The following LIPG variants were observed in gnomAD, a reference collection of about 807,000 sequenced individuals.
The protein encoded by LIPG is endothelial lipase.
LIPG carries 34 observed loss-of-function variants against 51.8 expected under a neutral mutation model. That is an observed-to-expected ratio of 0.66 (90% CI 0.50 to 0.87). LIPG has a LOEUF of 0.87. Ranked by LOEUF, LIPG falls within the 40% of genes least tolerant of loss-of-function variation. The pLI is 0.00. For synonymous variants in LIPG, 246 were observed against 246.1 expected (o/e 1.00, Z 0.00); for missense variants, 580 against 652.7 (o/e 0.89, Z 1.21).
chr18:49,590,518 C>G lies in LIPG; in HGVS notation c.1499C>G (p.Pro500Arg). ...TCTTTCAGTCCCACTGTGGAGCTTC[C>G]CTGAGGGTGCCCGGGCAAGTCTTGC... is the stretch of plus-strand genomic sequence containing the variant. The part of the protein sequence containing the change: ...KNETSPTVEL[P>R] The change falls in exon 10 of 10, where the codon CCC becomes CGC. Residue 500 changes from proline (P) to arginine (R), a missense_variant. Pro to Arg is a moderately radical substitution (Grantham distance 103, BLOSUM62 -2). Coordinates refer to ENST00000261292, the MANE Select transcript of LIPG (RefSeq NM_006033.4). The G allele has an allele frequency of 6.2e-7, 1 of 1,601,362 alleles. No homozygotes were observed. The highest frequency in any genetic ancestry group is 1.1e-5 in the South Asian group (1 of 88,876).
intron 9 of LIPG, chr18:49,590,192 TG>T: frequency 2.1e-6 from 1 of 475,596 alleles, no homozygotes. Flanking sequence ...TGTGTGTGTG[TG>T]TGTGTGTGTG....
At chr18:49,569,049 C>T (rs1187464042) in intron 3 of LIPG, among the ~76,000 whole-genome samples, 4 of 152,120 alleles carry the variant, frequency 2.6e-5, no homozygotes, top group South Asian at 4.1e-4. Flanking sequence ...AGGCAGAGGG[C>T]ATTCTGCTGA....
chr18:49,583,030 G>A (rs2084839995), intron 7 of LIPG, among the ~76,000 whole-genome samples: 1 of 152,170 alleles, frequency 6.6e-6, no homozygotes, highest in Non-Finnish European at 1.5e-5. Flanking sequence ...CACACAGGTA[G>A]GGCAAGGCAG....
intron 4 of LIPG, 31 bp from the exon 5 acceptor site, chr18:49,575,338 A>C: frequency 6.3e-7 from 1 of 1,587,228 alleles, no homozygotes; most frequent in Non-Finnish European, 8.6e-7. Flanking sequence ...ACCTGACACC[A>C]CAGCTGTTTT....
chr18:49,584,345 T>C (rs1039089330), intron 8 of LIPG, among the ~76,000 whole-genome samples: 5 of 152,164 alleles, frequency 3.3e-5, no homozygotes, highest in Admixed American at 2.6e-4. Flanking sequence ...TAGCTGGCAG[T>C]TTCCCATTTC....
At chr18:49,575,649 C>A in intron 5 of LIPG, 59 bp downstream of exon 5, 2 of 1,411,958 alleles carry the variant, frequency 1.4e-6, no homozygotes, top group Non-Finnish European at 2.0e-6. Flanking sequence ...CCTTCTAAAT[C>A]AGCCAGAGCC....
chr18:49,586,487 G>T (rs574094123), intron 8 of LIPG, among the ~76,000 whole-genome samples: 1 of 152,336 alleles, frequency 6.6e-6, no homozygotes, highest in Non-Finnish European at 1.5e-5. Context: ...TTGAGAGGCA[G>T]GTGGCCTTTT....
rs767547304 is a variant in LIPG, at chr18:49,565,426, C to A, written c.207C>A (p.Gly69=). The A allele has an allele frequency of 1.9e-6, 3 of 1,614,236 alleles. No homozygotes were observed. The South Asian group carries it at 3.3e-5, about 18-fold the overall frequency. Residue 69 remains glycine, a synonymous_variant, in exon 2 of 10, where the codon GGC becomes GGA. Coordinates refer to ENST00000261292, the MANE Select transcript of LIPG (RefSeq NM_006033.4). ...PEHEGCYLSV[G]HSQPLEDCSF... The stretch of plus-strand genomic sequence containing the variant: ...ATGAAGGATGCTACCTCTCCGTCGG[C>A]CACAGCCAGCCCTTAGAAGACTGCA...
intron 4 of LIPG, among the ~76,000 whole-genome samples, chr18:49,571,249 T>A (rs1350018701): frequency 6.6e-6 from 1 of 152,164 alleles, no homozygotes; most frequent in African/African-American, 2.4e-5. Context: ...AGGTGTGATG[T>A]TTCAGATCCA....
chr18:49,575,020 T>C (rs2084700701), intron 4 of LIPG, among the ~76,000 whole-genome samples: 1 of 152,186 alleles, frequency 6.6e-6, no homozygotes, highest in Non-Finnish European at 1.5e-5. Flanking sequence ...GCAGTCTGAG[T>C]TCTTTCTAGA....
At chr18:49,576,133 C>T (rs8092097) in intron 5 of LIPG, among the ~76,000 whole-genome samples, 35,218 of 151,924 alleles carry the variant, frequency 0.23, 4,558 homozygotes, top group East Asian at 0.32. Flanking sequence ...CCACCGCACC[C>T]GGCTGATTAA....
chr18:49,569,627 G>A, intron 4 of LIPG, 79 bp downstream of exon 4: 1 of 1,129,058 alleles, frequency 8.9e-7, no homozygotes, highest in Admixed American at 1.9e-5. Context: ...AGCAGAGTGA[G>A]TCATAGAAAG....
chr18:49,591,368 AC>A lies in LIPG; in HGVS notation c.*848del, dbSNP rs2084942078. On this transcript the variant is annotated 3_prime_UTR_variant, in exon 10 of 10. Transcript: ENST00000261292. ...TATTTCTTCTTAGTTATTATGTGCC[AC>A]CTTCTTAGTTATTATGTGCCACCTC... is the stretch of plus-strand genomic sequence containing the variant. 1 of 152,076 alleles carries A rather than the reference AC, an allele frequency of 6.6e-6. No homozygotes were observed. The highest frequency in any genetic ancestry group is 1.5e-5 in the Non-Finnish European group (1 of 68,014). The allele number at this position is 152,076 out of a possible 1,614,324, so 9.4% of individuals were successfully genotyped here.
intron 9 of LIPG, chr18:49,590,249 G>T: frequency 1.7e-6 from 1 of 579,422 alleles, no homozygotes; most frequent in Non-Finnish European, 3.2e-6. Context: ...GAACTGTGAT[G>T]TACTCAACTC....
At chr18:49,567,735 C>CT (rs1178494748) in intron 3 of LIPG, 114 bp downstream of exon 3, 2 of 1,061,686 alleles carry the variant, frequency 1.9e-6, no homozygotes, top group Non-Finnish European at 2.7e-6. Flanking sequence ...TGATAAAAAT[C>CT]TTTGAGATTA....
At chr18:49,570,830 AAAAAC>A (rs1322326328) in intron 4 of LIPG, among the ~76,000 whole-genome samples, 1 of 152,254 alleles carries the variant, frequency 6.6e-6, no homozygotes, top group Non-Finnish European at 1.5e-5. Context: ...CTCCGTCTCA[AAAAAC>A]AAAACAAAAC....
chr18:49,581,267 C>T, intron 5 of LIPG, 148 bp from the exon 6 acceptor site: 2 of 1,251,612 alleles, frequency 1.6e-6, no homozygotes, highest in Non-Finnish European at 2.3e-6. Flanking sequence ...CTTGTCTCAA[C>T]ACAAATAAAC....
chr18:49,579,592 A>G (rs2084791501), intron 5 of LIPG, among the ~76,000 whole-genome samples: 1 of 151,918 alleles, frequency 6.6e-6, no homozygotes. Context: ...GACCCCAGGC[A>G]GCTCTCTCCA....
intron 3 of LIPG, 82 bp downstream of exon 3, chr18:49,567,703 G>A: frequency 7.2e-7 from 1 of 1,397,410 alleles, no homozygotes; most frequent in Non-Finnish European, 1.0e-6. Context: ...TCATGCATCT[G>A]TTGCCATGAA....
Sources: gnomAD v4.1 joint callset for allele counts (sites outside exome capture counted in the v4.1 genomes callset) on GRCh38, gnomAD v4.1.1 for gene constraint, MANE v1.5 for transcripts, NCBI Gene and HGNC (gene_info 2026-07-23, HGNC 2026-07-21) for gene names.